The following FARP1 variants were observed in gnomAD, a reference collection of about 807,000 sequenced individuals.
FARP1 encodes the protein FERM, ARH/RhoGEF and pleckstrin domain protein 1.
In FARP1, 52 loss-of-function variants were observed where a neutral mutation model predicts 128.8. The observed-to-expected ratio is 0.40, with a 90% CI of 0.32 to 0.51. FARP1 has a LOEUF of 0.51. Among genes scored for constraint, FARP1 ranks in the 20% least tolerant of loss-of-function variants. The probability of loss-of-function intolerance (pLI) is 0.45; values close to 1 mark genes in which losing one functional copy is unlikely to be tolerated. For synonymous variants in FARP1, 580 were observed against 551.8 expected (o/e 1.05, Z -0.72); for missense variants, 1,333 against 1,367.9 (o/e 0.97, Z 0.40).
At chr13:98,355,253 A>G (rs1449902153) in intron 3 of FARP1, among the ~76,000 whole-genome samples, 1 of 152,086 alleles carries the variant, frequency 6.6e-6, no homozygotes, top group Non-Finnish European at 1.5e-5. Flanking sequence ...GGCTGAGGCA[A>G]GAGGATCACT....
chr13:98,295,012 C>G (rs959499239), intron 2 of FARP1, among the ~76,000 whole-genome samples: 14 of 140,880 alleles, frequency 9.9e-5, no homozygotes, highest in South Asian at 2.5e-4. Context: ...AGCAAAACTC[C>G]GTCTCAGAAA....
intron 1 of FARP1, among the ~76,000 whole-genome samples, chr13:98,189,968 G>A (rs771853339): frequency 2.0e-4 from 31 of 152,122 alleles, no homozygotes; most frequent in South Asian, 2.1e-4. Flanking sequence ...AAATTATACC[G>A]TGTTTCCTTT....
chr13:98,355,427 T>C (rs955748425), intron 3 of FARP1, among the ~76,000 whole-genome samples: 1 of 152,120 alleles, frequency 6.6e-6, no homozygotes, highest in Admixed American at 6.6e-5. Context: ...ATGAGAGATA[T>C]GGAAATGTAT....
At chr13:98,300,457 C>T (rs1175683744) in intron 2 of FARP1, among the ~76,000 whole-genome samples, 1 of 152,198 alleles carries the variant, frequency 6.6e-6, no homozygotes, top group African/African-American at 2.4e-5. Context: ...GTTTGGTACC[C>T]AGGATGTCCG....
intron 2 of FARP1, among the ~76,000 whole-genome samples, chr13:98,307,620 C>T (rs779071473): frequency 3.3e-5 from 5 of 152,172 alleles, no homozygotes; most frequent in African/African-American, 7.2e-5. Context: ...CTCCTTCTCC[C>T]GAGGCCACAC....
chr13:98,310,944 C>A (rs965516259), intron 2 of FARP1, among the ~76,000 whole-genome samples: 1 of 152,158 alleles, frequency 6.6e-6, no homozygotes, highest in Admixed American at 6.5e-5. Context: ...ATAGCAATAG[C>A]ATTCCCAGAA....
intron 2 of FARP1, among the ~76,000 whole-genome samples, chr13:98,230,995 T>C (rs1040689181): frequency 1.1e-4 from 16 of 152,108 alleles, no homozygotes; most frequent in Non-Finnish European, 2.4e-4. Flanking sequence ...AGTTGCCCTT[T>C]ATAAAACCAT....
intron 1 of FARP1, among the ~76,000 whole-genome samples, chr13:98,145,273 C>T (rs1875440739): frequency 6.6e-6 from 1 of 152,144 alleles, no homozygotes; most frequent in Non-Finnish European, 1.5e-5. Flanking sequence ...CACCACCCCG[C>T]CCCCGTTACT....
At chr13:98,213,512 C>G in intron 2 of FARP1, 99 bp downstream of exon 2, 6 of 1,262,324 alleles carry the variant, frequency 4.8e-6, no homozygotes, top group Middle Eastern at 2.8e-4. Flanking sequence ...CATGAGGCGG[C>G]TGGAGGTCCT....
At chr13:98,313,827 C>T (rs9556931) in intron 2 of FARP1, among the ~76,000 whole-genome samples, 23,358 of 152,220 alleles carry the variant, frequency 0.15, 2,206 homozygotes, top group East Asian at 0.39. Flanking sequence ...TCATCTCGGC[C>T]CGCTCTTTGC....
At chr13:98,441,711 T>C (rs995067826) in intron 24 of FARP1, among the ~76,000 whole-genome samples, 3 of 152,098 alleles carry the variant, frequency 2.0e-5, no homozygotes, top group South Asian at 4.1e-4. Context: ...GTGGCTGGCT[T>C]TGGGGGAAGG....
At chr13:98,260,354 A>G (rs1228629880) in intron 2 of FARP1, among the ~76,000 whole-genome samples, 4 of 152,224 alleles carry the variant, frequency 2.6e-5, no homozygotes, top group African/African-American at 9.6e-5. Flanking sequence ...TCTGTTGCCT[A>G]TTGATAGGTG....
At chr13:98,418,420 G>A (rs1350418632) in intron 16 of FARP1, among the ~76,000 whole-genome samples, 4 of 152,130 alleles carry the variant, frequency 2.6e-5, no homozygotes, top group South Asian at 2.1e-4. Flanking sequence ...GATTACAGGC[G>A]TGCATCACCA....
At chr13:98,263,866 C>CA (rs1594335728) in intron 2 of FARP1, among the ~76,000 whole-genome samples, 2 of 152,298 alleles carry the variant, frequency 1.3e-5, no homozygotes, top group East Asian at 3.9e-4. Flanking sequence ...GCTCCCCCCC[C>CA]AACAACATTT....
At position 98,451,580 on chromosome 13, in the gene FARP1, T is replaced by A. The variant is rs1893193179; in HGVS notation, c.*3263T>A. ...CAAGCATCTGTAGCTCAGGGCTCTG[T>A]CCCCTCCCTATAGCTTAGAGGCCAC... On this transcript the variant is annotated 3_prime_UTR_variant, in exon 27 of 27. Transcript: ENST00000319562. 6.6e-6 allele frequency: 1 copy of A among 152,090 alleles called. No individual in the cohort carries two copies. Among genetic ancestry groups the A allele is most frequent in the Non-Finnish European group, 1.5e-5 (1 of 68,040 alleles). The allele number at this position is 152,090 out of a possible 1,614,324, so 9.4% of individuals were successfully genotyped here. A position where few individuals can be genotyped will look rare whatever the true frequency, so the allele number is the denominator to read the frequency against.
intron 1 of FARP1, among the ~76,000 whole-genome samples, chr13:98,180,463 G>A (rs112619824): frequency 1.5e-4 from 23 of 152,188 alleles, no homozygotes; most frequent in African/African-American, 3.1e-4. Context: ...CATCCAAACC[G>A]TATCAGAAAA....
At chr13:98,249,684 G>C (rs1465263198) in intron 2 of FARP1, among the ~76,000 whole-genome samples, 3 of 152,054 alleles carry the variant, frequency 2.0e-5, no homozygotes, top group Non-Finnish European at 4.4e-5. Context: ...GAGGCAGGAA[G>C]GTAACAAGAT....
intron 2 of FARP1, among the ~76,000 whole-genome samples, chr13:98,261,043 T>C (rs932546001): frequency 2.0e-5 from 3 of 152,074 alleles, no homozygotes; most frequent in Non-Finnish European, 4.4e-5. Flanking sequence ...GATGGACAGG[T>C]GTGACAGCTC....
chr13:98,310,223 G>A (rs191828141), intron 2 of FARP1, among the ~76,000 whole-genome samples: 132 of 152,136 alleles, frequency 8.7e-4, no homozygotes, highest in Non-Finnish European at 1.1e-3. Context: ...GTCCTAGACC[G>A]GATCCCATCA....
Sources: allele counts gnomAD v4.1 joint callset (sites outside exome capture counted in the v4.1 genomes callset), GRCh38; gene constraint gnomAD v4.1.1; transcripts MANE v1.5; gene names NCBI Gene and HGNC (gene_info 2026-07-23, HGNC 2026-07-21).